Variants in DLG2 observed in about 807,000 individuals in gnomAD.
The protein encoded by DLG2 is disks large homolog 2.
Under a neutral mutation model 132.5 loss-of-function variants are expected in DLG2, and 45 were observed. The ratio of observed to expected loss-of-function variants is 0.34; its 90% CI spans 0.27 to 0.44. The LOEUF (loss-of-function observed/expected upper bound fraction) is 0.44. Among genes scored for constraint, DLG2 ranks in the 20% least tolerant of loss-of-function variants. The pLI is 1.00. For missense variants in DLG2, 1,045 were observed against 1,196.9 expected, an observed-to-expected ratio of 0.87 and a Z score of 1.87; for synonymous variants, 424 against 419.6, an observed-to-expected ratio of 1.01 and a Z score of -0.13.
chr11:85,470,954 T>C (rs1380752561), intron 3 of DLG2, among the ~76,000 whole-genome samples: 1 of 152,232 alleles, frequency 6.6e-6, no homozygotes, highest in Non-Finnish European at 1.5e-5. Flanking sequence ...TGTCTTATCT[T>C]CTGCCTTGCA....
intron 6 of DLG2, among the ~76,000 whole-genome samples, chr11:84,681,575 C>T (rs1474182515): frequency 6.6e-6 from 1 of 152,130 alleles, no homozygotes; most frequent in East Asian, 1.9e-4. Context: ...CTTCAGAACA[C>T]AGAGAAGAGA....
intron 3 of DLG2, chr11:85,524,985 A>G (rs1031380841): frequency 3.9e-5 from 6 of 152,202 alleles, no homozygotes; most frequent in African/African-American, 1.4e-4. Flanking sequence ...TGACAAATGT[A>G]TATACCTGGT....
At chr11:84,283,019 G>A (rs2097868103) in intron 7 of DLG2, among the ~76,000 whole-genome samples, 1 of 152,136 alleles carries the variant, frequency 6.6e-6, no homozygotes, top group Non-Finnish European at 1.5e-5. Flanking sequence ...TATGTACTAT[G>A]TCATATATGC....
chr11:84,784,361 TAAATA>T (rs2072476499), intron 6 of DLG2, among the ~76,000 whole-genome samples: 1 of 147,732 alleles, frequency 6.8e-6, no homozygotes, highest in African/African-American at 2.5e-5. Flanking sequence ...AATAAATAAA[TAAATA>T]AATTAAACAA....
At chr11:84,135,593 C>G (rs953955478) in intron 9 of DLG2, among the ~76,000 whole-genome samples, 2 of 151,936 alleles carry the variant, frequency 1.3e-5, no homozygotes, top group African/African-American at 4.8e-5. Context: ...GAGAGTAGGG[C>G]ATGGAGAAGG....
chr11:84,582,556 A>AATC (rs998149890), intron 6 of DLG2, among the ~76,000 whole-genome samples: 2 of 150,012 alleles, frequency 1.3e-5, no homozygotes, highest in African/African-American at 4.9e-5. Context: ...TGTTTTCCAA[A>AATC]ATAATAATAA....
chr11:84,181,030 T>C (rs2096110316), intron 8 of DLG2, among the ~76,000 whole-genome samples: 1 of 152,016 alleles, frequency 6.6e-6, no homozygotes, highest in Non-Finnish European at 1.5e-5. Flanking sequence ...AAAAGTTTTA[T>C]TTTTCTTAAT....
chr11:84,992,200 A>C, intron 6 of DLG2, among the ~76,000 whole-genome samples: 1 of 152,122 alleles, frequency 6.6e-6, no homozygotes, highest in East Asian at 1.9e-4. Flanking sequence ...CCACAGGTCT[A>C]GTTAAATTAC....
At chr11:83,927,777 T>C (rs911240190) in intron 15 of DLG2, among the ~76,000 whole-genome samples, 17 of 152,014 alleles carry the variant, frequency 1.1e-4, no homozygotes, top group African/African-American at 3.4e-4. Context: ...GAAGCTATTA[T>C]AGGTGGGAGA....
At position 84,033,674 on chromosome 11, in the gene DLG2, G is replaced by A. The variant is rs1013674223; in HGVS notation, c.919+25641C>T. Among the ~76,000 whole-genome samples, 4 of 152,318 alleles carry A rather than the reference G, an allele frequency of 2.6e-5. No individual in the cohort carries two copies. The South Asian group carries it at 8.3e-4, about 32-fold the overall frequency. ...AAAACGCTACCAAACGGTACCACATGCTACAAATAAATCTTTCCTGAAAGG... is the reference window on the plus strand; with the variant it reads ...AAAACGCTACCAAACGGTACCACATACTACAAATAAATCTTTCCTGAAAGG... On this transcript the variant is annotated intron_variant, in intron 11 of 27. Coordinates refer to ENST00000376104, the MANE Select transcript of DLG2 (RefSeq NM_001142699.3).
chr11:84,284,946 T>C (rs2097894171), intron 7 of DLG2, among the ~76,000 whole-genome samples: 1 of 152,240 alleles, frequency 6.6e-6, no homozygotes, highest in African/African-American at 2.4e-5. Flanking sequence ...GAAAATGTTT[T>C]ACTTGATGTT....
chr11:84,874,787 G>A (rs368779831), intron 6 of DLG2, among the ~76,000 whole-genome samples: 48 of 152,106 alleles, frequency 3.2e-4, no homozygotes, highest in East Asian at 2.3e-3. Context: ...TCCGGAGGCC[G>A]AGGCGAGCTG....
intron 18 of DLG2, among the ~76,000 whole-genome samples, chr11:83,751,418 A>G (rs2153735804): frequency 6.6e-6 from 1 of 152,352 alleles, no homozygotes; most frequent in Middle Eastern, 3.4e-3. Flanking sequence ...GGAGAAGTTT[A>G]GAGTAGAAGA....
At position 83,618,125 on chromosome 11, in the gene DLG2, T is replaced by A. The variant is rs577135867; in HGVS notation, c.1940+15086A>T. ...TGGTTTTCCTGTAATATTTAGATGATCATCTGAATCTTATCTTTTATTCTG... is the reference window on the plus strand; with the variant it reads ...TGGTTTTCCTGTAATATTTAGATGAACATCTGAATCTTATCTTTTATTCTG... On this transcript the variant is annotated intron_variant, in intron 19 of 27. Transcript: ENST00000376104. 1.5e-3 allele frequency among the ~76,000 whole-genome samples: 228 copies of A among 152,360 alleles called. 10 individuals are homozygous for A. In the South Asian group the frequency reaches 0.046, roughly 31 times the overall value.
At chr11:84,646,289 C>A (rs1486932006) in intron 6 of DLG2, among the ~76,000 whole-genome samples, 1 of 151,618 alleles carries the variant, frequency 6.6e-6, no homozygotes, top group Non-Finnish European at 1.5e-5. Context: ...CTTGACACCA[C>A]AGGGTTTGAC....
At chr11:84,043,940 T>C (rs988876121) in intron 11 of DLG2, among the ~76,000 whole-genome samples, 1 of 151,692 alleles carries the variant, frequency 6.6e-6, no homozygotes, top group African/African-American at 2.4e-5. Flanking sequence ...TCCTACAGCA[T>C]AAATCATGAG....
intron 5 of DLG2, among the ~76,000 whole-genome samples, chr11:85,131,026 G>A (rs2075665050): frequency 6.6e-6 from 1 of 151,830 alleles, no homozygotes; most frequent in Non-Finnish European, 1.5e-5. Context: ...ATTTCATGTG[G>A]GTCTGTGTTT....
chr11:84,044,679 G>A (rs1431050544), intron 11 of DLG2, among the ~76,000 whole-genome samples: 1 of 151,672 alleles, frequency 6.6e-6, no homozygotes, highest in Non-Finnish European at 1.5e-5. Flanking sequence ...AGTGTGGCTA[G>A]AGAACATTTA....
chr11:84,754,883 G>T (rs977253590), intron 6 of DLG2, among the ~76,000 whole-genome samples: 2 of 152,116 alleles, frequency 1.3e-5, no homozygotes, highest in African/African-American at 2.4e-5. Flanking sequence ...ATGCATGTGT[G>T]GGGGCTGGAG....
Sources: gnomAD v4.1 joint callset for allele counts (sites outside exome capture counted in the v4.1 genomes callset) on GRCh38, gnomAD v4.1.1 for gene constraint, MANE v1.5 for transcripts, NCBI Gene and HGNC (gene_info 2026-07-23, HGNC 2026-07-21) for gene names.